FAF1: variants seen among roughly 807,000 people sequenced by gnomAD.
The protein encoded by FAF1 is Fas associated factor 1, also known as FAS-associated factor 1.
A neutral mutation model predicts 92.5 loss-of-function variants in FAF1; 25 were observed. The ratio of observed to expected loss-of-function variants is 0.27; its 90% confidence interval spans 0.20 to 0.38. The LOEUF (loss-of-function observed/expected upper bound fraction) is 0.38. Among genes scored for constraint, FAF1 ranks in the 10% least tolerant of loss-of-function variants. The probability of loss-of-function intolerance (pLI) is 1.00; values close to 1 mark genes in which losing one functional copy is unlikely to be tolerated. For missense variants in FAF1, 636 were observed against 793.3 expected, an observed-to-expected ratio of 0.80 and a Z score of 2.38; for synonymous variants, 234 against 273.2, an observed-to-expected ratio of 0.86 and a Z score of 1.42.
intron 12 of FAF1, among the ~76,000 whole-genome samples, chr1:50,571,851 C>T (rs1393076310): frequency 3.3e-5 from 5 of 152,116 alleles, no homozygotes; most frequent in South Asian, 2.1e-4. Flanking sequence ...AGGCAGAGAG[C>T]AGATACTAAG....
chr1:50,845,725 G>T (rs2124650232), intron 2 of FAF1, among the ~76,000 whole-genome samples: 1 of 152,146 alleles, frequency 6.6e-6, no homozygotes, highest in African/African-American at 2.4e-5. Context: ...TCCCTTCTAA[G>T]TTTGCCCTTC....
At chr1:50,958,665 G>GA (rs1290591694) in intron 1 of FAF1, among the ~76,000 whole-genome samples, 1 of 148,350 alleles carries the variant, frequency 6.7e-6, no homozygotes, top group African/African-American at 2.5e-5. Flanking sequence ...GCGACAGAGC[G>GA]AGACTCCGTC....
intron 2 of FAF1, among the ~76,000 whole-genome samples, chr1:50,825,528 A>G (rs886298982): frequency 6.6e-6 from 1 of 152,048 alleles, no homozygotes; most frequent in South Asian, 2.1e-4. Flanking sequence ...TGAGCACATG[A>G]TCAAAACAGA....
chr1:50,641,566 G>A (rs1654330561), intron 8 of FAF1, among the ~76,000 whole-genome samples: 1 of 152,138 alleles, frequency 6.6e-6, no homozygotes, highest in African/African-American at 2.4e-5. Context: ...CATCTAATGT[G>A]TATTGAGACA....
At chr1:50,637,231 T>A (rs1654058902) in intron 8 of FAF1, among the ~76,000 whole-genome samples, 1 of 134,086 alleles carries the variant, frequency 7.5e-6, no homozygotes, top group Admixed American at 8.3e-5. Flanking sequence ...AGGTCAGGAG[T>A]ACGAGACCAG....
rs957129274 is a variant in FAF1 at position 50,656,576 on chromosome 1, C to T, written c.658-1048G>A. 2.1e-4 allele frequency among the ~76,000 whole-genome samples: 32 copies of T among 152,128 alleles called. 1 individual carries two copies. Among genetic ancestry groups the T allele is most frequent in the African/African-American group, 7.5e-4 (31 of 41,432 alleles). ...TAAAGTGTTGGAAGGTTAAACTCTA[C>T]GTCAGCCAGTAATTAAGAAGTGTTG... On this transcript the variant is annotated intron_variant, in intron 7 of 18. Coordinates refer to ENST00000396153, the MANE Select transcript of FAF1 (RefSeq NM_007051.3).
intron 13 of FAF1, among the ~76,000 whole-genome samples, chr1:50,561,894 G>GAAGGAAGGAAGGAAGT (rs1224908451): frequency 1.4e-5 from 2 of 142,952 alleles, no homozygotes; most frequent in Non-Finnish European, 3.1e-5. Flanking sequence ...AGGAAGGAAG[G>GAAGGAAGGAAGGAAGT]AAGTTGTGTA....
At chr1:50,559,093 A>C (rs1261905369) in intron 13 of FAF1, among the ~76,000 whole-genome samples, 1 of 152,150 alleles carries the variant, frequency 6.6e-6, no homozygotes, top group East Asian at 1.9e-4. Context: ...TCTACTAAAA[A>C]TACAAAAATT....
chr1:50,693,675 C>T (rs7515597), intron 7 of FAF1, among the ~76,000 whole-genome samples: 65,787 of 151,752 alleles, frequency 0.43, 15,406 homozygotes, highest in African/African-American at 0.59. Context: ...TCAAACACCA[C>T]GGCAACAGAA....
chr1:50,674,860 C>CTATTT (rs60719405), intron 7 of FAF1, among the ~76,000 whole-genome samples: 57,687 of 143,618 alleles, frequency 0.4, 12,888 homozygotes, highest in Middle Eastern at 0.54. Context: ...TCACCTTGTA[C>CTATTT]TATTTTATTT....
At position 50,635,130 on chromosome 1, in the gene FAF1, T is replaced by C. The variant is rs181442792; in HGVS notation, c.744+20312A>G. On this transcript the variant is annotated intron_variant, in intron 8 of 18. Transcript: ENST00000396153. ...AGTACTACTGCTATTTCCTGACACA[T>C]TAATAATATGGCTACCATTCAAGAA... Among the ~76,000 whole-genome samples the C allele has an allele frequency of 2.6e-5, 4 of 152,296 alleles. No individual in the cohort carries two copies. The East Asian group carries it at 7.7e-4, about 29-fold the overall frequency.
In FAF1 at chr1:50,822,219, T is replaced by C. The variant is rs550788160; in HGVS notation, c.115-20542A>G. Among the ~76,000 whole-genome samples, 233 of 152,144 alleles carry C rather than the reference T, an allele frequency of 1.5e-3. 3 individuals are homozygous for C. The highest frequency in any genetic ancestry group is 5.6e-3 in the African/African-American group (232 of 41,502). The stretch of plus-strand genomic sequence containing the variant: ...ATTCCACAATCTGTTTTTAGTCAAA[T>C]GTAAAGAATGTTCACTGAACTCTTC... On this transcript the variant is annotated intron_variant, in intron 2 of 18. Transcript: ENST00000396153.
At position 50,836,679 on chromosome 1, in the gene FAF1, T is replaced by C. The variant is rs114956358; in HGVS notation, c.114+21250A>G. Among the ~76,000 whole-genome samples the C allele has an allele frequency of 2.0e-3, 298 of 152,310 alleles. 2 individuals carry two copies. Among genetic ancestry groups the C allele is most frequent in the African/African-American group, 6.8e-3 (282 of 41,580 alleles). ...TGGCCAAATACATATACCATTTCTTTCACATTTGAAGGTAAATTGCAACCT... is the reference window on the plus strand; with the variant it reads ...TGGCCAAATACATATACCATTTCTTCCACATTTGAAGGTAAATTGCAACCT... On this transcript the variant is annotated intron_variant, in intron 2 of 18. Transcript: ENST00000396153.
intron 13 of FAF1, among the ~76,000 whole-genome samples, chr1:50,545,543 A>C (rs576525048): frequency 6.6e-6 from 1 of 152,084 alleles, no homozygotes; most frequent in South Asian, 2.1e-4. Flanking sequence ...TGCTGGGATT[A>C]TACAGGTGTG....
At chr1:50,684,710 G>A (rs1271606392) in intron 7 of FAF1, among the ~76,000 whole-genome samples, 2 of 152,106 alleles carry the variant, frequency 1.3e-5, no homozygotes, top group African/African-American at 2.4e-5. Context: ...CTAAGCTCGA[G>A]CATTCAACTA....
chr1:50,648,872 G>A (rs903160090), intron 8 of FAF1, among the ~76,000 whole-genome samples: 6 of 152,220 alleles, frequency 3.9e-5, no homozygotes, highest in African/African-American at 1.2e-4. Context: ...GTTGCGGTGA[G>A]CCAAGATCGT....
intron 1 of FAF1, among the ~76,000 whole-genome samples, chr1:50,881,629 T>G (rs1028832773): frequency 6.6e-6 from 1 of 152,150 alleles, no homozygotes; most frequent in Non-Finnish European, 1.5e-5. Context: ...GTTGAAAGTA[T>G]CAATCGGGAA....
At chr1:50,512,395 C>A (rs950901860) in intron 15 of FAF1, among the ~76,000 whole-genome samples, 1 of 152,172 alleles carries the variant, frequency 6.6e-6, no homozygotes, top group Non-Finnish European at 1.5e-5. Context: ...AGTCTTTAAT[C>A]CACCTTGAGT....
chr1:50,554,730 T>C (rs1649486886), intron 13 of FAF1, among the ~76,000 whole-genome samples: 2 of 152,128 alleles, frequency 1.3e-5, no homozygotes, highest in African/African-American at 4.8e-5. Flanking sequence ...AAATGAACCC[T>C]TGCTTACCTC....
Sources: gnomAD v4.1 joint callset for allele counts (sites outside exome capture counted in the v4.1 genomes callset) on GRCh38, gnomAD v4.1.1 for gene constraint, MANE v1.5 for transcripts, NCBI Gene and HGNC (gene_info 2026-07-23, HGNC 2026-07-21) for gene names.